Variants in KIF15 observed in about 807,000 individuals in gnomAD.
KIF15 encodes kinesin family member 15, also known as kinesin-like protein KIF15.
Under a neutral mutation model 190.6 loss-of-function variants are expected in KIF15, and 140 were observed. That is an observed-to-expected ratio of 0.73 (90% CI 0.64 to 0.84). The LOEUF is 0.84. Ranked by LOEUF, KIF15 falls within the 40% of genes least tolerant of loss-of-function variation. The pLI is 0.00. For synonymous variants in KIF15, 528 were observed against 551.3 expected, an observed-to-expected ratio of 0.96 and a Z score of 0.59; for missense variants, 1,372 against 1,584.4, an observed-to-expected ratio of 0.87 and a Z score of 2.28.
At chr3:44,799,074 G>A (rs763022997) in intron 10 of KIF15, 2 of 345,908 alleles carry the variant, frequency 5.8e-6, no homozygotes, top group Non-Finnish European at 1.1e-5. Flanking sequence ...AATCATTAGA[G>A]CTTCCTGACC....
At chr3:44,851,383 T>A (rs930309704) in intron 32 of KIF15, among the ~76,000 whole-genome samples, 6 of 152,240 alleles carry the variant, frequency 3.9e-5, no homozygotes, top group African/African-American at 1.2e-4. Flanking sequence ...ACTGAAGAAA[T>A]GAATTGAAAG....
At chr3:44,866,471 C>T (rs916868134) in intron 6 of KIF15, among the ~76,000 whole-genome samples, 6 of 152,122 alleles carry the variant, frequency 3.9e-5, no homozygotes, top group South Asian at 2.1e-4. Context: ...GCCTGAAGCC[C>T]GGCACTTACC....
chr3:44,808,684 T>C (rs1478504575), intron 16 of KIF15, among the ~76,000 whole-genome samples: 1 of 152,036 alleles, frequency 6.6e-6, no homozygotes, highest in Non-Finnish European at 1.5e-5. Flanking sequence ...CTTAGATCTT[T>C]CCACATTAAC....
At chr3:44,811,576 C>T (rs1186865425) in intron 17 of KIF15, among the ~76,000 whole-genome samples, 5 of 151,964 alleles carry the variant, frequency 3.3e-5, no homozygotes, top group African/African-American at 4.8e-5. Flanking sequence ...ACCCGGGAGG[C>T]GGAGGTTGCA....
chr3:44,797,069 C>T (rs574511218), intron 8 of KIF15, among the ~76,000 whole-genome samples: 1 of 152,060 alleles, frequency 6.6e-6, no homozygotes, highest in South Asian at 2.1e-4. Context: ...ACTCTGTCAC[C>T]CAGGTTGTAG....
intron 16 of KIF15, among the ~76,000 whole-genome samples, chr3:44,806,784 C>T (rs1707521626): frequency 6.6e-6 from 1 of 151,962 alleles, no homozygotes; most frequent in Non-Finnish European, 1.5e-5. Flanking sequence ...CTTGCTCTGT[C>T]GGCCAGGCTG....
Position 44,852,871 on chromosome 3 carries a change from A to G in KIF15, c.*136A>G, listed in dbSNP as rs1170572755. ...ATTAAATGTTTATAAGGTGGTGGTA[A>G]CCACCTCAAGTTTCTGATGAACATT... is the stretch of plus-strand genomic sequence containing the variant. On this transcript the variant is annotated 3_prime_UTR_variant, in exon 35 of 35. Transcript: ENST00000326047. 6.4e-6 allele frequency: 4 copies of G among 621,448 alleles called. No individual in the cohort carries two copies. The highest frequency in any genetic ancestry group is 1.1e-5 in the Non-Finnish European group (4 of 378,538). The allele number at this position is 621,448 out of a possible 1,614,324, so 38.5% of individuals were successfully genotyped here. A position where few individuals can be genotyped will look rare whatever the true frequency, so the allele number is the denominator to read the frequency against.
At chr3:44,845,530 A>G (rs532948939) in intron 30 of KIF15, among the ~76,000 whole-genome samples, 5 of 152,262 alleles carry the variant, frequency 3.3e-5, no homozygotes, top group Admixed American at 1.3e-4. Context: ...AAAAAAAGAA[A>G]GAAAGAAACT....
At chr3:44,779,063 G>C (rs951622787) in intron 4 of KIF15, among the ~76,000 whole-genome samples, 10 of 151,200 alleles carry the variant, frequency 6.6e-5, no homozygotes, top group Admixed American at 3.3e-4. Context: ...ATATGTTATG[G>C]ATATGCATTT....
In KIF15 at chr3:44,774,616, G is replaced by T. The variant is rs72875703; in HGVS notation, c.62+179G>T. ...CTCTCACTTTCCAGGCAAAATGATAGAATCAATAGCATAATTCTCCTTGGG... is the reference window on the plus strand; with the variant it reads ...CTCTCACTTTCCAGGCAAAATGATATAATCAATAGCATAATTCTCCTTGGG... On this transcript the variant is annotated intron_variant, in intron 2 of 34. Transcript: ENST00000326047. 2.2e-3 allele frequency among the ~76,000 whole-genome samples: 328 copies of T among 152,234 alleles called. 1 individual carries two copies. The highest frequency in any genetic ancestry group is 7.3e-3 in the African/African-American group (303 of 41,544).
intron 10 of KIF15, among the ~76,000 whole-genome samples, chr3:44,800,102 T>C (rs1707194497): frequency 6.6e-6 from 1 of 152,142 alleles, no homozygotes; most frequent in East Asian, 1.9e-4. Flanking sequence ...TGGCTGGGGC[T>C]GTCTCTCTCT....
At chr3:44,863,905 T>C (rs1699291612) in intron 6 of KIF15, 1 of 411,756 alleles carries the variant, frequency 2.4e-6, no homozygotes, top group Non-Finnish European at 4.5e-6. Flanking sequence ...GGGCCGGTGT[T>C]CAGTAGAAAA....
At chr3:44,832,498 G>T (rs1698119492) in intron 26 of KIF15, among the ~76,000 whole-genome samples, 3 of 152,110 alleles carry the variant, frequency 2.0e-5, no homozygotes, top group African/African-American at 7.2e-5. Flanking sequence ...CAGTCAGAGT[G>T]GGCACCAAGC....
At chr3:44,844,257 G>T (rs1238273599) in intron 30 of KIF15, among the ~76,000 whole-genome samples, 1 of 152,192 alleles carries the variant, frequency 6.6e-6, no homozygotes, top group Non-Finnish European at 1.5e-5. Context: ...GGATGGTAAT[G>T]GTGGCTATGC....
intron 6 of KIF15, 78 bp downstream of exon 6, chr3:44,785,020 T>TA: frequency 1.4e-6 from 1 of 718,430 alleles, no homozygotes; most frequent in Non-Finnish European, 2.4e-6. Context: ...TAGCTCATGA[T>TA]ACATGGTGGA....
chr3:44,866,464 T>G (rs901666557), intron 6 of KIF15, among the ~76,000 whole-genome samples: 2 of 152,194 alleles, frequency 1.3e-5, no homozygotes, highest in Admixed American at 6.5e-5. Flanking sequence ...GCACAGAGCC[T>G]GAAGCCCGGC....
At chr3:44,864,496 T>A (rs1334085870) in intron 6 of KIF15, among the ~76,000 whole-genome samples, 3 of 152,180 alleles carry the variant, frequency 2.0e-5, no homozygotes, top group Non-Finnish European at 4.4e-5. Flanking sequence ...GCTCTATTCA[T>A]GGAGCAAATG....
intron 20 of KIF15, among the ~76,000 whole-genome samples, chr3:44,817,380 C>T (rs1269359950): frequency 6.6e-6 from 1 of 152,172 alleles, no homozygotes; most frequent in African/African-American, 2.4e-5. Context: ...TTAGGTCCAA[C>T]ATTTAAGTCT....
chr3:44,772,307 C>T (rs1705676903), intron 1 of KIF15, among the ~76,000 whole-genome samples: 1 of 152,198 alleles, frequency 6.6e-6, no homozygotes, highest in Non-Finnish European at 1.5e-5. Context: ...ATCCATCCAC[C>T]TCTAATTCCT....
Sources: gnomAD v4.1 joint callset for allele counts (sites outside exome capture counted in the v4.1 genomes callset) on GRCh38, gnomAD v4.1.1 for gene constraint, MANE v1.5 for transcripts, NCBI Gene and HGNC (gene_info 2026-07-23, HGNC 2026-07-21) for gene names.